The following ARAP2 variants were observed in gnomAD, a reference collection of about 807,000 sequenced individuals.
ARAP2 encodes the protein ArfGAP with RhoGAP domain, ankyrin repeat and PH domain 2, also known as arf-GAP with Rho-GAP domain, ANK repeat and PH domain-containing protein 2.
A neutral mutation model predicts 194.5 loss-of-function variants in ARAP2; 148 were observed. The observed-to-expected ratio is 0.76, with a 90% confidence interval of 0.67 to 0.87. The LOEUF (loss-of-function observed/expected upper bound fraction) is 0.87. Among genes scored for constraint, ARAP2 ranks in the 40% least tolerant of loss-of-function variants. The pLI is 0.00. For synonymous variants in ARAP2, 695 were observed against 683.5 expected (o/e 1.02, Z -0.26); for missense variants, 2,128 against 1,989.7 (o/e 1.07, Z -1.32).
rs528393205 is a variant in ARAP2, at chr4:36,238,047, A to G, written c.-160+6132T>C. ...TGAGTGCTTAGCCCCCAGAAAAAGT[A>G]TAAAACTGGTTGTTTGGCATCTCTC... On this transcript the variant is annotated intron_variant, in intron 1 of 32. Coordinates refer to ENST00000303965, the MANE Select transcript of ARAP2 (RefSeq NM_015230.4). Among the ~76,000 whole-genome samples the G allele has an allele frequency of 4.1e-4, 62 of 152,230 alleles. 1 individual carries two copies. The highest frequency in any genetic ancestry group is 8.1e-4 in the Non-Finnish European group (55 of 68,032).
At chr4:36,072,096 T>C (rs2109312401) in intron 32 of ARAP2, among the ~76,000 whole-genome samples, 1 of 152,148 alleles carries the variant, frequency 6.6e-6, no homozygotes, top group Non-Finnish European at 1.5e-5. Context: ...TTTCATGGTT[T>C]ATATGAATTT....
intron 5 of ARAP2, among the ~76,000 whole-genome samples, chr4:36,040,695 C>G (rs1202471365): frequency 3.0e-5 from 2 of 66,594 alleles, no homozygotes. Context: ...GATTTTGTAT[C>G]TAGAAACTTT....
intron 6 of ARAP2, among the ~76,000 whole-genome samples, chr4:36,209,872 T>G (rs1324092400): frequency 6.6e-6 from 1 of 152,164 alleles, no homozygotes; most frequent in East Asian, 1.9e-4. Flanking sequence ...AGTATAATAT[T>G]CACGGGACTC....
intron 27 of ARAP2, among the ~76,000 whole-genome samples, chr4:36,104,276 C>T (rs1343696661): frequency 1.3e-5 from 2 of 151,844 alleles, no homozygotes; most frequent in Non-Finnish European, 2.9e-5. Context: ...GAAAATAAAT[C>T]TTTAACATTA....
In ARAP2 at chr4:36,018,901, T is replaced by C. The variant is rs544042001; in HGVS notation, n.750+243A>G. Among the ~76,000 whole-genome samples, 11 of 150,218 alleles carry C rather than the reference T, an allele frequency of 7.3e-5. 2 individuals are homozygous for C. Among genetic ancestry groups the C allele is most frequent in the African/African-American group, 2.5e-4 (10 of 39,558 alleles). On this transcript the variant is annotated intron_variant and non_coding_transcript_variant, in intron 6 of 12. Coordinates refer to the ARAP2 transcript ENST00000503225. ...TGAAGGTAGATAGGGTTGAATCTTT[T>C]TGAACAATGTGGATGAGGTCAACAT...
chr4:36,129,939 C>G (rs897718426), intron 20 of ARAP2, among the ~76,000 whole-genome samples: 9 of 152,014 alleles, frequency 5.9e-5, no homozygotes, highest in African/African-American at 2.2e-4. Context: ...TCCACCCCCA[C>G]CATGTTCTTT....
At chr4:36,242,538 T>A (rs1482152904) in intron 1 of ARAP2, among the ~76,000 whole-genome samples, 1 of 152,186 alleles carries the variant, frequency 6.6e-6, no homozygotes, top group Non-Finnish European at 1.5e-5. Flanking sequence ...CTTTAAAACT[T>A]CATAGTTTCA....
At chr4:36,027,833 G>A (rs1274083997) in intron 5 of ARAP2, among the ~76,000 whole-genome samples, 1 of 152,116 alleles carries the variant, frequency 6.6e-6, no homozygotes, top group Admixed American at 6.6e-5. Context: ...GTTAGAAAAT[G>A]ATTAAGAGTT....
rs1042155869 is a variant in ARAP2, at chr4:36,136,778, AAT to A, written c.3264-3391_3264-3390del. Among the ~76,000 whole-genome samples, 859 of 123,646 alleles carry A rather than the reference AAT, an allele frequency of 6.9e-3. 11 individuals are homozygous for A. The highest frequency in any genetic ancestry group is 0.027 in the African/African-American group (757 of 28,148). The allele number at this position is 123,646 out of a possible 152,430, so 81.1% of individuals were successfully genotyped here. A position where few individuals can be genotyped will look rare whatever the true frequency, so the allele number is the denominator to read the frequency against. On this transcript the variant is annotated intron_variant, in intron 19 of 32. Transcript: ENST00000303965. Reference sequence around the variant, plus strand: ...TAACCACAAACCAGTCTAAGAATCAAATATATGTGTGTGTGTGTGTGTGTGTG... The same window carrying A: ...TAACCACAAACCAGTCTAAGAATCAAATATGTGTGTGTGTGTGTGTGTGTG...
chr4:36,192,689 G>A (rs541847421), intron 7 of ARAP2, among the ~76,000 whole-genome samples: 1 of 152,326 alleles, frequency 6.6e-6, no homozygotes, highest in Non-Finnish European at 1.5e-5. Context: ...GAAAAAAATA[G>A]TAGCTAAAAC....
Position 36,171,849 on chromosome 4 carries a change from C to A in ARAP2, c.1858-4802G>T, listed in dbSNP as rs373270777. 1.1e-4 allele frequency among the ~76,000 whole-genome samples: 17 copies of A among 151,930 alleles called. No homozygotes were observed. In the South Asian group the frequency reaches 2.7e-3, roughly 24 times the overall value. The stretch of plus-strand genomic sequence containing the variant: ...GTCCTGTCCAAAAATAACTAGCAGG[C>A]ATAATTTTTAAAAAATAGAATGCAA... On this transcript the variant is annotated intron_variant, in intron 9 of 32. Transcript: ENST00000303965.
chr4:36,205,775 TC>T (rs1745413198), intron 6 of ARAP2, among the ~76,000 whole-genome samples: 1 of 152,144 alleles, frequency 6.6e-6, no homozygotes. Flanking sequence ...TCTGTCTGAT[TC>T]CAAACCCTAT....
chr4:36,097,193 T>C (rs1038870755), intron 27 of ARAP2, among the ~76,000 whole-genome samples: 1 of 152,072 alleles, frequency 6.6e-6, no homozygotes, highest in Non-Finnish European at 1.5e-5. Context: ...TTGTATGTGA[T>C]TGAGTATATT....
At chr4:36,211,706 A>G (rs1248765580) in intron 5 of ARAP2, among the ~76,000 whole-genome samples, 1 of 152,176 alleles carries the variant, frequency 6.6e-6, no homozygotes, top group Non-Finnish European at 1.5e-5. Context: ...AAGTATAATT[A>G]AACTGTTGGC....
chr4:36,227,215 G>A (rs1471829007), intron 2 of ARAP2, among the ~76,000 whole-genome samples: 1 of 152,048 alleles, frequency 6.6e-6, no homozygotes, highest in African/African-American at 2.4e-5. Context: ...AGTAAAATGG[G>A]ATGAACATTA....
chr4:36,085,470 C>T (rs370271965), intron 28 of ARAP2, among the ~76,000 whole-genome samples: 1 of 152,006 alleles, frequency 6.6e-6, no homozygotes, highest in Non-Finnish European at 1.5e-5. Context: ...TTTAGACATG[C>T]ACTTTTTGTG....
intron 27 of ARAP2, among the ~76,000 whole-genome samples, chr4:36,092,603 C>T (rs893836216): frequency 6.6e-6 from 1 of 152,090 alleles, no homozygotes; most frequent in Non-Finnish European, 1.5e-5. Context: ...GAGAGAAACT[C>T]TGTCTCAAAT....
At chr4:36,125,932 A>G (rs1723783867) in intron 21 of ARAP2, among the ~76,000 whole-genome samples, 1 of 152,026 alleles carries the variant, frequency 6.6e-6, no homozygotes, top group Admixed American at 6.6e-5. Flanking sequence ...AATCAGCAGC[A>G]CGCTAATGAT....
chr4:36,135,300 A>C (rs574543326), intron 19 of ARAP2, among the ~76,000 whole-genome samples: 2 of 151,826 alleles, frequency 1.3e-5, no homozygotes, highest in South Asian at 4.1e-4. Flanking sequence ...CACTGTACCT[A>C]ATATAAAAAG....
Sources: allele counts gnomAD v4.1 joint callset (sites outside exome capture counted in the v4.1 genomes callset), GRCh38; gene constraint gnomAD v4.1.1; transcripts MANE v1.5; gene names NCBI Gene and HGNC (gene_info 2026-07-23, HGNC 2026-07-21).